ENOX1: variants seen among roughly 807,000 people sequenced by gnomAD.
ENOX1 encodes the protein ecto-NOX disulfide-thiol exchanger 1.
A neutral mutation model predicts 82.5 loss-of-function variants in ENOX1; 42 were observed. The observed-to-expected ratio is 0.51, with a 90% CI of 0.40 to 0.66. ENOX1 has a LOEUF of 0.66. Ranked by LOEUF, ENOX1 falls within the 30% of genes least tolerant of loss-of-function variation. The pLI, the probability that ENOX1 is intolerant of heterozygous loss-of-function variation, is 0.00. For missense variants in ENOX1, 608 were observed against 811.6 expected (o/e 0.75, Z 3.05); for synonymous variants, 271 against 282.2 (o/e 0.96, Z 0.40).
intron 1 of ENOX1, among the ~76,000 whole-genome samples, chr13:43,706,712 GA>G (rs67435957): frequency 0.022 from 3,320 of 148,020 alleles, 101 homozygotes; most frequent in African/African-American, 0.069. Flanking sequence ...GATCAAGAAA[GA>G]AAAAAAAAAA....
At chr13:43,239,086 C>G (rs774378594) in intron 14 of ENOX1, among the ~76,000 whole-genome samples, 25 of 152,188 alleles carry the variant, frequency 1.6e-4, no homozygotes, top group Non-Finnish European at 4.4e-5. Flanking sequence ...GACCCAGTGA[C>G]TCTTGCTTTG....
chr13:43,518,216 CT>C (rs2077629711), intron 2 of ENOX1, among the ~76,000 whole-genome samples: 2 of 151,860 alleles, frequency 1.3e-5, no homozygotes, highest in Admixed American at 6.6e-5. Flanking sequence ...TTTTTTGCTT[CT>C]TTTTATTCAG....
chr13:43,782,978 A>G (rs918765419), intron 1 of ENOX1, among the ~76,000 whole-genome samples: 3 of 152,210 alleles, frequency 2.0e-5, no homozygotes, highest in Non-Finnish European at 4.4e-5. Flanking sequence ...GGCACCCCAC[A>G]AACCTTAAAG....
chr13:43,225,510 AAGCCTTCATGTTCTGTTTTTTGTG>A (rs1170050160), intron 15 of ENOX1, among the ~76,000 whole-genome samples: 13 of 152,252 alleles, frequency 8.5e-5, no homozygotes, highest in Non-Finnish European at 1.8e-4. Flanking sequence ...ATCTGAGGGT[AAGCCTTCATGTTCTGTTTTTTGTG>A]AGCCTTCATG....
At chr13:43,614,515 C>T (rs1174683938) in intron 2 of ENOX1, among the ~76,000 whole-genome samples, 1 of 150,172 alleles carries the variant, frequency 6.7e-6, no homozygotes, top group Non-Finnish European at 1.5e-5. Context: ...CCTACTTTCC[C>T]CATAAACATT....
chr13:43,643,090 G>T (rs967867718), intron 2 of ENOX1, among the ~76,000 whole-genome samples: 1 of 152,118 alleles, frequency 6.6e-6, no homozygotes, highest in Non-Finnish European at 1.5e-5. Flanking sequence ...AAGAAAAATT[G>T]TTATTGATTT....
chr13:43,495,194 G>A (rs113360881), intron 2 of ENOX1, among the ~76,000 whole-genome samples: 2,018 of 152,160 alleles, frequency 0.013, 45 homozygotes, highest in African/African-American at 0.046. Context: ...ATTGTTCAGC[G>A]AGTATAATAT....
In ENOX1 at chr13:43,481,825, T is replaced by C. The variant is rs147083819; in HGVS notation, c.-75+2184A>G. Among the ~76,000 whole-genome samples the C allele has an allele frequency of 8.5e-5, 13 of 152,190 alleles. No homozygotes were observed. In the East Asian group the frequency reaches 2.5e-3, roughly 29 times the overall value. On this transcript the variant is annotated intron_variant, in intron 3 of 16. Coordinates refer to ENST00000690772, the MANE Select transcript of ENOX1 (RefSeq NM_001347969.2). ...ACAACTCAACTGCAAAATATCCAAA[T>C]AATATAATTTAAAAATGGGCAAAGG...
chr13:43,705,301 A>G (rs2087184589), intron 1 of ENOX1, among the ~76,000 whole-genome samples: 1 of 128,124 alleles, frequency 7.8e-6, no homozygotes, highest in African/African-American at 2.9e-5. Context: ...ACAAACAAAC[A>G]ACAACTCTCT....
chr13:43,297,830 GCTTCATGTATT>G (rs139886649), intron 12 of ENOX1, among the ~76,000 whole-genome samples: 1,804 of 152,312 alleles, frequency 0.012, 45 homozygotes, highest in African/African-American at 0.041. Flanking sequence ...AAACTCTGAT[GCTTCATGTATT>G]CCATCAACAA....
At chr13:43,719,343 A>ACACACACACACACACACACACC in intron 1 of ENOX1, among the ~76,000 whole-genome samples, 1 of 149,026 alleles carries the variant, frequency 6.7e-6, no homozygotes, top group South Asian at 2.1e-4. Context: ...ACACACACAC[A>ACACACACACACACACACACACC]CACACCAGCA....
At chr13:43,503,376 A>G (rs1297928388) in intron 2 of ENOX1, among the ~76,000 whole-genome samples, 1 of 151,768 alleles carries the variant, frequency 6.6e-6, no homozygotes, top group Non-Finnish European at 1.5e-5. Flanking sequence ...TACAGAAACA[A>G]AAAATACAAT....
intron 1 of ENOX1, among the ~76,000 whole-genome samples, chr13:43,772,460 T>A (rs1951688917): frequency 6.6e-6 from 1 of 152,100 alleles, no homozygotes. Context: ...GTTGGCAGCC[T>A]TCAATCCTAC....
intron 3 of ENOX1, among the ~76,000 whole-genome samples, chr13:43,472,712 T>C (rs2153649104): frequency 1.3e-5 from 2 of 152,360 alleles, no homozygotes; most frequent in South Asian, 4.1e-4. Context: ...ATTATTTTTC[T>C]TGTTTATTTG....
intron 10 of ENOX1, among the ~76,000 whole-genome samples, chr13:43,325,564 C>T (rs2048063195): frequency 6.6e-6 from 1 of 151,904 alleles, no homozygotes; most frequent in Non-Finnish European, 1.5e-5. Context: ...CAAGTGTAAG[C>T]CAAAATCATT....
At chr13:43,701,842 G>A (rs1301104364) in intron 1 of ENOX1, among the ~76,000 whole-genome samples, 1 of 152,044 alleles carries the variant, frequency 6.6e-6, no homozygotes, top group African/African-American at 2.4e-5. Context: ...TTCAGATTTT[G>A]CCAGCTTTTG....
chr13:43,690,260 A>C (rs1275070113), intron 1 of ENOX1, among the ~76,000 whole-genome samples: 1 of 246 alleles, frequency 4.1e-3, no homozygotes. Context: ...AAATAAGTTA[A>C]AAAAAAAAAA....
chr13:43,439,802 C>T (rs745940782), intron 3 of ENOX1, among the ~76,000 whole-genome samples: 5 of 152,094 alleles, frequency 3.3e-5, no homozygotes, highest in Non-Finnish European at 4.4e-5. Context: ...AAGCACTGAC[C>T]TAGCAAAACA....
At chr13:43,725,133 A>C (rs1000024226) in intron 1 of ENOX1, among the ~76,000 whole-genome samples, 3 of 152,282 alleles carry the variant, frequency 2.0e-5, no homozygotes, top group Middle Eastern at 3.4e-3. Flanking sequence ...TTGTAACTCT[A>C]GAGTATTTGA....
Sources: allele counts gnomAD v4.1 joint callset (sites outside exome capture counted in the v4.1 genomes callset), GRCh38; gene constraint gnomAD v4.1.1; transcripts MANE v1.5; gene names NCBI Gene and HGNC (gene_info 2026-07-23, HGNC 2026-07-21).